The following POU2F1 variants were observed in gnomAD, a reference collection of about 807,000 sequenced individuals.
POU2F1 encodes the protein POU class 2 homeobox 1.
Under a neutral mutation model 84.9 loss-of-function variants are expected in POU2F1, and 16 were observed. The observed-to-expected ratio is 0.19, with a 90% CI of 0.13 to 0.29. POU2F1 has a LOEUF of 0.29. POU2F1 is among the 10% of genes least tolerant of loss of function. The pLI is 1.00. For missense variants in POU2F1, 738 were observed against 942.6 expected (o/e 0.78, Z 2.84); for synonymous variants, 368 against 368.3 (o/e 1.00, Z 0.01).
At chr1:167,379,049 A>G (rs1449583608) in intron 7 of POU2F1, 2 of 152,118 alleles carry the variant, frequency 1.3e-5, no homozygotes, top group Non-Finnish European at 2.9e-5. Flanking sequence ...TTAGCCTTCA[A>G]AGCAGCTGGG....
In POU2F1 at chr1:167,425,119, C is replaced by G. The variant is rs1650879090; in HGVS notation, c.*9309C>G. 6.6e-6 allele frequency: 1 copy of G among 152,044 alleles called. No homozygotes were observed. Among genetic ancestry groups the G allele is most frequent in the Non-Finnish European group, 1.5e-5 (1 of 68,010 alleles). 9.4% of individuals were successfully genotyped at this position (152,044 alleles called of 1,614,324 possible). A position where few individuals can be genotyped will look rare whatever the true frequency, so the allele number is the denominator to read the frequency against. ...GAAGCTGCATCCCCAGCCCTTTCAC[C>G]TTTTCTTTGAATGTAGTTCCCAACC... is the stretch of plus-strand genomic sequence containing the variant. On this transcript the variant is annotated 3_prime_UTR_variant, in exon 16 of 16. Transcript: ENST00000367866.
intron 10 of POU2F1, 127 bp from the exon 11 acceptor site, chr1:167,397,867 G>A (rs1471714362): frequency 2.0e-6 from 2 of 986,756 alleles, no homozygotes; most frequent in Non-Finnish European, 1.5e-6. Flanking sequence ...TGTAATGTAG[G>A]TTATGTGAAA....
chr1:167,355,336 T>G (rs1212522286), intron 2 of POU2F1, among the ~76,000 whole-genome samples: 7 of 152,328 alleles, frequency 4.6e-5, no homozygotes, highest in African/African-American at 1.7e-4. Context: ...CATAGGTGTG[T>G]GTACCTCTGT....
chr1:167,407,156 C>A (rs927971346), intron 13 of POU2F1, among the ~76,000 whole-genome samples: 5 of 151,984 alleles, frequency 3.3e-5, no homozygotes, highest in Admixed American at 6.5e-5. Context: ...TCAGCCTCCC[C>A]GGTAGCTGGG....
chr1:167,382,979 TAATGA>T, intron 7 of POU2F1, among the ~76,000 whole-genome samples: 1 of 152,194 alleles, frequency 6.6e-6, no homozygotes, highest in East Asian at 1.9e-4. Flanking sequence ...TTTAGTAACC[TAATGA>T]AATCATAATT....
intron 1 of POU2F1, among the ~76,000 whole-genome samples, chr1:167,252,574 T>C (rs1650811971): frequency 6.6e-6 from 1 of 152,242 alleles, no homozygotes; most frequent in East Asian, 1.9e-4. Flanking sequence ...TAAACTCCAT[T>C]GTTGGTAATT....
Position 167,384,717 on chromosome 1 carries a change from G to GA in POU2F1, c.813+776dup, listed in dbSNP as rs1237237374. On this transcript the variant is annotated intron_variant, in intron 8 of 15. Coordinates refer to ENST00000367866, the MANE Select transcript of POU2F1 (RefSeq NM_002697.4). ...TAACCTGGTAAAGAGCATGTATTAA[G>GA]AAAAAAAAAAGAAAAGAAAAAAACC... Among the ~76,000 whole-genome samples, 511 of 141,822 alleles carry GA rather than the reference G, an allele frequency of 3.6e-3. 2 individuals are homozygous for GA. Among genetic ancestry groups the GA allele is most frequent in the African/African-American group, 0.012 (476 of 38,642 alleles). 93.0% of individuals were successfully genotyped at this position (141,822 alleles called of 152,430 possible). A position where few individuals can be genotyped will look rare whatever the true frequency, so the allele number is the denominator to read the frequency against.
At chr1:167,403,052 G>A (rs74715412) in intron 13 of POU2F1, among the ~76,000 whole-genome samples, 1 of 152,240 alleles carries the variant, frequency 6.6e-6, no homozygotes, top group East Asian at 1.9e-4. Context: ...CTAAAAATTT[G>A]CATCAGTTTT....
At chr1:167,357,467 A>G (rs1224203434) in intron 2 of POU2F1, 1 of 143,572 alleles carries the variant, frequency 7.0e-6, no homozygotes, top group Non-Finnish European at 1.5e-5. Context: ...TGCGGCCTCA[A>G]CCTTCTGGGT....
In POU2F1 at chr1:167,267,599, C is replaced by T. The variant is rs568413883; in HGVS notation, c.61+46641C>T. Reference sequence around the variant, plus strand: ...TACTGCTTTAAAACATTTTAAAATTCTTCATTGTGAAAGTATCACAGTTAC... The same window carrying T: ...TACTGCTTTAAAACATTTTAAAATTTTTCATTGTGAAAGTATCACAGTTAC... On this transcript the variant is annotated intron_variant, in intron 1 of 15. Coordinates refer to ENST00000367866, the MANE Select transcript of POU2F1 (RefSeq NM_002697.4). Among the ~76,000 whole-genome samples, 144 of 101,000 alleles carry T rather than the reference C, an allele frequency of 1.4e-3. 2 individuals are homozygous for T. In the East Asian group the frequency reaches 0.027, roughly 19 times the overall value. The allele number at this position is 101,000 out of a possible 152,430, so 66.3% of individuals were successfully genotyped here.
At chr1:167,363,415 A>G (rs1659471551) in intron 2 of POU2F1, among the ~76,000 whole-genome samples, 1 of 152,236 alleles carries the variant, frequency 6.6e-6, no homozygotes, top group African/African-American at 2.4e-5. Context: ...GATTGACAAA[A>G]TAATATAATG....
intron 1 of POU2F1, among the ~76,000 whole-genome samples, chr1:167,329,883 T>C (rs943317320): frequency 1.2e-4 from 19 of 152,180 alleles, no homozygotes; most frequent in Admixed American, 1.3e-4. Context: ...AGTCCTCTTT[T>C]TAATTTTTTT....
chr1:167,272,346 T>A (rs1297355232), intron 1 of POU2F1, among the ~76,000 whole-genome samples: 1 of 150,318 alleles, frequency 6.7e-6, no homozygotes, highest in African/African-American at 2.5e-5. Flanking sequence ...GCTGGGAATG[T>A]TCTTACTCTG....
chr1:167,238,267 A>C (rs1369659233), intron 1 of POU2F1, among the ~76,000 whole-genome samples: 1 of 152,180 alleles, frequency 6.6e-6, no homozygotes, highest in Non-Finnish European at 1.5e-5. Flanking sequence ...ATGCAAAATA[A>C]AAATATAAAA....
chr1:167,279,579 A>C (rs1430231890), intron 1 of POU2F1, among the ~76,000 whole-genome samples: 1 of 152,182 alleles, frequency 6.6e-6, no homozygotes, highest in Non-Finnish European at 1.5e-5. Flanking sequence ...GGGGCCGTGC[A>C]TGGTGGCTCA....
chr1:167,357,348 T>A (rs1266308732), intron 2 of POU2F1: 2 of 33,052 alleles, frequency 6.1e-5, no homozygotes. Flanking sequence ...TTGCCCCCCC[T>A]CCCCCACGCC....
intron 1 of POU2F1, among the ~76,000 whole-genome samples, chr1:167,234,053 A>C (rs35870957): frequency 0.026 from 3,892 of 152,326 alleles, 76 homozygotes; most frequent in South Asian, 0.05. Flanking sequence ...TGTTTTGATT[A>C]TAGCAGTAAG....
At chr1:167,407,076 G>C (rs1163830597) in intron 13 of POU2F1, among the ~76,000 whole-genome samples, 2 of 151,190 alleles carry the variant, frequency 1.3e-5, no homozygotes, top group Admixed American at 1.3e-4. Context: ...ACAGGGTATT[G>C]CCCTATCACA....
chr1:167,253,952 CTT>C (rs1442554678), intron 1 of POU2F1, among the ~76,000 whole-genome samples: 1 of 152,132 alleles, frequency 6.6e-6, no homozygotes, highest in Non-Finnish European at 1.5e-5. Flanking sequence ...AATACCCAGA[CTT>C]TAGCTCCATC....
Sources: gnomAD v4.1 joint callset for allele counts (sites outside exome capture counted in the v4.1 genomes callset) on GRCh38, gnomAD v4.1.1 for gene constraint, MANE v1.5 for transcripts, NCBI Gene and HGNC (gene_info 2026-07-23, HGNC 2026-07-21) for gene names.